The following ZDHHC2 variants were observed in gnomAD, a reference collection of about 807,000 sequenced individuals.
ZDHHC2 encodes palmitoyltransferase ZDHHC2.
Under a neutral mutation model 55.6 loss-of-function variants are expected in ZDHHC2, and 51 were observed. The observed-to-expected ratio is 0.92, with a 90% CI of 0.73 to 1.16. The LOEUF (loss-of-function observed/expected upper bound fraction) is 1.16, where lower values mean the gene tolerates loss of function less well. Ranked by LOEUF, ZDHHC2 falls within the 50% of genes most tolerant of loss-of-function variation. The pLI, the probability that ZDHHC2 is intolerant of heterozygous loss-of-function variation, is 0.00. For synonymous variants in ZDHHC2, 199 were observed against 152.9 expected (o/e 1.30, Z -2.22); for missense variants, 491 against 442.4 (o/e 1.11, Z -0.99).
intron 1 of ZDHHC2, among the ~76,000 whole-genome samples, chr8:17,178,231 A>G (rs1396383883): frequency 6.6e-6 from 1 of 152,220 alleles, no homozygotes; most frequent in East Asian, 1.9e-4. Context: ...CACTTTAATA[A>G]TAATCACCAA....
At chr8:17,191,117 A>G (rs572339880) in intron 3 of ZDHHC2, among the ~76,000 whole-genome samples, 2 of 151,758 alleles carry the variant, frequency 1.3e-5, no homozygotes, top group African/African-American at 4.8e-5. Flanking sequence ...GCCTGCCACC[A>G]CGCCCGGCTA....
At chr8:17,162,023 A>G (rs562036755) in intron 1 of ZDHHC2, among the ~76,000 whole-genome samples, 1 of 152,350 alleles carries the variant, frequency 6.6e-6, no homozygotes, top group East Asian at 1.9e-4. Context: ...ATTCAAATGT[A>G]TAAAACATGA....
intron 1 of ZDHHC2, among the ~76,000 whole-genome samples, chr8:17,176,575 G>A (rs1805143344): frequency 6.6e-6 from 1 of 152,248 alleles, no homozygotes; most frequent in African/African-American, 2.4e-5. Flanking sequence ...GCTCAGCTGA[G>A]TGCCGTGATC....
chr8:17,216,727 TGTTA>T (rs550247552), intron 11 of ZDHHC2, among the ~76,000 whole-genome samples: 24 of 152,300 alleles, frequency 1.6e-4, no homozygotes, highest in Admixed American at 3.3e-4. Flanking sequence ...TTAATTTTTT[TGTTA>T]GTTGGATGAA....
intron 1 of ZDHHC2, among the ~76,000 whole-genome samples, chr8:17,172,386 A>C (rs779503921): frequency 3.3e-5 from 5 of 152,194 alleles, no homozygotes; most frequent in Non-Finnish European, 5.9e-5. Context: ...ATAGTCAGCT[A>C]AAGGAAAGAG....
chr8:17,187,226 G>A (rs1052223950), intron 3 of ZDHHC2, among the ~76,000 whole-genome samples: 1 of 152,186 alleles, frequency 6.6e-6, no homozygotes, highest in Non-Finnish European at 1.5e-5. Context: ...TAGAGTGATG[G>A]ATCAAATTTG....
intron 3 of ZDHHC2, among the ~76,000 whole-genome samples, chr8:17,188,397 GACTTTAT>G (rs1287199619): frequency 2.6e-5 from 4 of 152,150 alleles, no homozygotes; most frequent in South Asian, 2.1e-4. Context: ...CTCAATTTCT[GACTTTAT>G]ACTTTATACT....
At chr8:17,199,445 C>T (rs1156875742) in intron 6 of ZDHHC2, among the ~76,000 whole-genome samples, 2 of 149,340 alleles carry the variant, frequency 1.3e-5, no homozygotes, top group Admixed American at 1.3e-4. Flanking sequence ...TGTTCCCTCT[C>T]CCCCAGTGTC....
rs148746126 is a variant in ZDHHC2, at chr8:17,168,379, A to G, written c.130+11526A>G. The stretch of plus-strand genomic sequence containing the variant: ...TAAACAACAGTGAAAACTTTTAACC[A>G]TGGAAGTGACCAGAGGTGAGAAAAC... On this transcript the variant is annotated intron_variant, in intron 1 of 12. Coordinates refer to ENST00000262096, the MANE Select transcript of ZDHHC2 (RefSeq NM_016353.5). 1.3e-5 allele frequency among the ~76,000 whole-genome samples: 2 copies of G among 152,328 alleles called. 1 individual carries two copies. Among genetic ancestry groups the G allele is most frequent in the Non-Finnish European group, 2.9e-5 (2 of 68,018 alleles).
rs1807887577 is a variant in ZDHHC2 at position 17,220,802 on chromosome 8, G to C, written c.*581G>C. The C allele has an allele frequency of 6.6e-6, 1 of 152,126 alleles. No individual in the cohort carries two copies. Among genetic ancestry groups the C allele is most frequent in the Non-Finnish European group, 1.5e-5 (1 of 68,018 alleles). The allele number at this position is 152,126 out of a possible 1,614,324, so 9.4% of individuals were successfully genotyped here. A position where few individuals can be genotyped will look rare whatever the true frequency, so the allele number is the denominator to read the frequency against. On this transcript the variant is annotated 3_prime_UTR_variant, in exon 13 of 13. Coordinates refer to ENST00000262096, the MANE Select transcript of ZDHHC2 (RefSeq NM_016353.5). ...AGAGTCCAGGTGGCCTGCAGTTGAAGATCATCAACCATTTTTGCCTCACTT... is the reference window on the plus strand; with the variant it reads ...AGAGTCCAGGTGGCCTGCAGTTGAACATCATCAACCATTTTTGCCTCACTT...
At chr8:17,198,098 T>C (rs2150925579) in intron 5 of ZDHHC2, among the ~76,000 whole-genome samples, 1 of 152,324 alleles carries the variant, frequency 6.6e-6, no homozygotes, top group South Asian at 2.1e-4. Flanking sequence ...TTCTTTAGCC[T>C]AAGATAGTTG....
chr8:17,224,162 A>G lies in ZDHHC2; in HGVS notation c.*3941A>G, dbSNP rs1390514762. 1 of 151,756 alleles carries G rather than the reference A, an allele frequency of 6.6e-6. No individual in the cohort carries two copies. The highest frequency in any genetic ancestry group is 1.5e-5 in the Non-Finnish European group (1 of 67,708). 9.4% of individuals were successfully genotyped at this position (151,756 alleles called of 1,614,324 possible). On this transcript the variant is annotated 3_prime_UTR_variant, in exon 13 of 13. Coordinates refer to ENST00000262096, the MANE Select transcript of ZDHHC2 (RefSeq NM_016353.5). ...GTTCTTATACCAGCAAAAAGTTCAA[A>G]TACAATAACCTGGGCAATGCCAACA...
At chr8:17,212,397 T>C (rs1303406778) in intron 10 of ZDHHC2, among the ~76,000 whole-genome samples, 1 of 152,164 alleles carries the variant, frequency 6.6e-6, no homozygotes, top group Non-Finnish European at 1.5e-5. Context: ...CCTCCATGCT[T>C]CCATTATCAG....
intron 11 of ZDHHC2, among the ~76,000 whole-genome samples, chr8:17,216,353 A>G (rs1281903593): frequency 6.6e-6 from 1 of 152,168 alleles, no homozygotes; most frequent in African/African-American, 2.4e-5. Context: ...TTCTCCTAAA[A>G]TAGAAGCTTT....
intron 6 of ZDHHC2, among the ~76,000 whole-genome samples, chr8:17,202,305 C>A (rs1001328762): frequency 6.0e-5 from 4 of 66,812 alleles, no homozygotes; most frequent in Non-Finnish European, 2.4e-4. Context: ...ACTACAACCT[C>A]CACCTCCTGG....
intron 3 of ZDHHC2, among the ~76,000 whole-genome samples, chr8:17,188,964 C>A (rs1805874161): frequency 6.6e-6 from 1 of 152,088 alleles, no homozygotes; most frequent in Non-Finnish European, 1.5e-5. Flanking sequence ...TCAGAAAATT[C>A]TATACCCTCA....
rs1337693713 is a variant in ZDHHC2 at position 17,223,560 on chromosome 8, A to G, written c.*3339A>G. On this transcript the variant is annotated 3_prime_UTR_variant, in exon 13 of 13. Coordinates refer to ENST00000262096, the MANE Select transcript of ZDHHC2 (RefSeq NM_016353.5). ...CCGATTTCCTCTTATATGTGGAAGG[A>G]GACTATGTTACATACCTGAAGTATT... The G allele has an allele frequency of 6.6e-6, 1 of 151,882 alleles. No individual in the cohort carries two copies. Among genetic ancestry groups the G allele is most frequent in the African/African-American group, 2.4e-5 (1 of 41,418 alleles). 9.4% of individuals were successfully genotyped at this position (151,882 alleles called of 1,614,324 possible).
intron 1 of ZDHHC2, among the ~76,000 whole-genome samples, chr8:17,172,972 C>T (rs1032499463): frequency 6.6e-6 from 1 of 152,082 alleles, no homozygotes; most frequent in Non-Finnish European, 1.5e-5. Flanking sequence ...TTTTTGTATC[C>T]AAAGTTTGTA....
At chr8:17,208,310 CTA>C (rs899526285) in intron 8 of ZDHHC2, among the ~76,000 whole-genome samples, 1 of 147,942 alleles carries the variant, frequency 6.8e-6, no homozygotes, top group African/African-American at 2.5e-5. Context: ...ATATATGAGA[CTA>C]TATATATATC....
Sources: gnomAD v4.1 joint callset for allele counts (sites outside exome capture counted in the v4.1 genomes callset) on GRCh38, gnomAD v4.1.1 for gene constraint, MANE v1.5 for transcripts, NCBI Gene and HGNC (gene_info 2026-07-23, HGNC 2026-07-21) for gene names.